Variants in CERS5 observed in about 807,000 individuals in gnomAD.
CERS5 encodes the protein ceramide synthase 5, also known as LAG1 homolog, ceramide synthase 5.
Under a neutral mutation model 58.9 loss-of-function variants are expected in CERS5, and 37 were observed. The ratio of observed to expected loss-of-function variants is 0.63; its 90% CI spans 0.48 to 0.83. CERS5 has a LOEUF of 0.83. Among genes scored for constraint, CERS5 ranks in the 40% least tolerant of loss-of-function variants. The pLI is 0.00. For synonymous variants in CERS5, 147 were observed against 177.8 expected (o/e 0.83, Z 1.38); for missense variants, 398 against 489.3 (o/e 0.81, Z 1.76).
chr12:50,163,785 A>G (rs1040977677), intron 1 of CERS5, among the ~76,000 whole-genome samples: 1 of 152,034 alleles, frequency 6.6e-6, no homozygotes, highest in African/African-American at 2.4e-5. Context: ...AGATGAGACT[A>G]GAGACTATAG....
intron 5 of CERS5, 100 bp downstream of exon 5, chr12:50,138,467 A>C: frequency 2.0e-6 from 2 of 992,272 alleles, no homozygotes; most frequent in Non-Finnish European, 3.3e-6. Flanking sequence ...CCTCAATCCC[A>C]AGGAAACGCA....
At chr12:50,154,967 C>T (rs1938399909) in intron 1 of CERS5, among the ~76,000 whole-genome samples, 1 of 152,174 alleles carries the variant, frequency 6.6e-6, no homozygotes, top group South Asian at 2.1e-4. Context: ...AAGTGATTCT[C>T]CTGCCTCAGC....
rs755605413 is a variant in CERS5 at position 50,167,215 on chromosome 12, C to G, written c.83G>C (p.Ser28Thr). The G allele has an allele frequency of 9.3e-6, 15 of 1,607,502 alleles. No individual in the cohort carries two copies. The Admixed American group carries it at 2.5e-4, about 27-fold the overall frequency. The change falls in exon 1 of 10, where the codon AGC (serine) becomes ACC (threonine). Residue 28 changes from serine (S) to threonine (T), a missense_variant. Ser to Thr is a moderately conservative substitution (Grantham distance 58). This residue lies in a region of CERS5 where 328 missense variants were observed against 384.5 expected (regional missense o/e 0.85). Coordinates refer to ENST00000317551, the MANE Select transcript of CERS5 (RefSeq NM_147190.5). Reference protein sequence around the residue: ...SERFWLPENVSWADLEGPADG... With the variant: ...SERFWLPENVTWADLEGPADG... ...GGCCGGCCCCTCCAGATCAGCCCAG[C>G]TCACGTTCTCGGGTAGCCAGAAGCG...
intron 4 of CERS5, among the ~76,000 whole-genome samples, chr12:50,141,437 TCTC>T (rs1409071430): frequency 1.3e-5 from 2 of 152,218 alleles, no homozygotes; most frequent in East Asian, 1.9e-4. Context: ...TTATTCCATT[TCTC>T]CTCCTTCAAT....
intron 1 of CERS5, among the ~76,000 whole-genome samples, chr12:50,162,356 A>G (rs1939404328): frequency 6.6e-6 from 1 of 152,154 alleles, no homozygotes; most frequent in Non-Finnish European, 1.5e-5. Flanking sequence ...TGGGCTGGGG[A>G]AAAAGACCAG....
At chr12:50,134,510 C>T (rs747636242) in intron 9 of CERS5, 36 bp downstream of exon 9, 147 of 1,613,852 alleles carry the variant, frequency 9.1e-5, no homozygotes, top group Non-Finnish European at 4.1e-5. Flanking sequence ...CCCTATCTTC[C>T]ATACCCAAAA....
intron 1 of CERS5, among the ~76,000 whole-genome samples, chr12:50,146,965 G>A (rs1592383784): frequency 6.6e-6 from 1 of 151,292 alleles, no homozygotes; most frequent in East Asian, 1.9e-4. Context: ...TTTCTAATTT[G>A]TGATAAAAAT....
In CERS5 at chr12:50,144,944, G is replaced by C. The variant is rs749669785; in HGVS notation, c.198-887C>G. The C allele has an allele frequency of 9.7e-6, 4 of 411,286 alleles. No homozygotes were observed. The East Asian group carries it at 1.3e-4, about 13-fold the overall frequency. 25.5% of individuals were successfully genotyped at this position (411,286 alleles called of 1,614,324 possible). ...AGGTCAGGAGTTGGAGACCAGCCTG[G>C]TCAACATAGTGAAACCCCGTCTCTA... On this transcript the variant is annotated intron_variant, in intron 1 of 9. Transcript: ENST00000317551.
chr12:50,141,974 TA>T (rs1951996924), intron 4 of CERS5, 78 bp downstream of exon 4: 1 of 732,458 alleles, frequency 1.4e-6, no homozygotes, highest in Non-Finnish European at 2.3e-6. Flanking sequence ...GAAAAAAATC[TA>T]AAGGTATTTA....
At chr12:50,140,310 GAGAC>G (rs1182417331) in intron 4 of CERS5, among the ~76,000 whole-genome samples, 12 of 27,240 alleles carry the variant, frequency 4.4e-4, no homozygotes, top group East Asian at 2.3e-3. Context: ...TTTTTTTTTT[GAGAC>G]AGACAGAGAC....
intron 9 of CERS5, among the ~76,000 whole-genome samples, chr12:50,131,360 A>T (rs1401593448): frequency 6.6e-6 from 1 of 152,104 alleles, no homozygotes; most frequent in African/African-American, 2.4e-5. Flanking sequence ...GGAGTTTGAG[A>T]CCAGCCTGAG....
chr12:50,135,721 C>T lies in CERS5; in HGVS notation c.872+11G>A. ...TCATACCTACCACAACTCTACAGCC[C>T]TACCACTTACCAGAATGGATAGATT... On this transcript the variant is annotated intron_variant, in intron 8 of 9. Coordinates refer to ENST00000317551, the MANE Select transcript of CERS5 (RefSeq NM_147190.5). 1 of 1,580,910 alleles carries T rather than the reference C, an allele frequency of 6.3e-7. No individual in the cohort carries two copies.
chr12:50,144,962 C>A (rs1191870291), intron 1 of CERS5: 3 of 347,198 alleles, frequency 8.6e-6, no homozygotes, highest in East Asian at 5.1e-5. Context: ...AGTGAAACCC[C>A]GTCTCTACTA....
chr12:50,141,783 A>G (rs546513688), intron 4 of CERS5, among the ~76,000 whole-genome samples: 1 of 152,096 alleles, frequency 6.6e-6, no homozygotes, highest in East Asian at 1.9e-4. Context: ...TACTAAAAAT[A>G]CAAAAATTAG....
In CERS5 at chr12:50,133,844, T is replaced by C. The variant is rs2138002875; in HGVS notation, c.1029+702A>G. 5 of 785,876 alleles carry C rather than the reference T, an allele frequency of 6.4e-6. No individual in the cohort carries two copies. The South Asian group carries it at 1.8e-4, about 28-fold the overall frequency. 48.7% of individuals were successfully genotyped at this position (785,876 alleles called of 1,614,324 possible). ...ATCCCAGCACTTCGGGAGGCCAAGG[T>C]GGGCAGATCACAAGGTCGGGAGTTA... On this transcript the variant is annotated intron_variant, in intron 9 of 9. Transcript: ENST00000317551.
chr12:50,142,952 G>A (rs1300743395), intron 3 of CERS5, 122 bp downstream of exon 3: 2 of 1,090,074 alleles, frequency 1.8e-6, no homozygotes, highest in African/African-American at 3.2e-5. Flanking sequence ...AATAGGCTGA[G>A]TTAGTTCTCT....
chr12:50,149,444 A>C (rs1937698571), intron 1 of CERS5, among the ~76,000 whole-genome samples: 1 of 152,208 alleles, frequency 6.6e-6, no homozygotes, highest in Non-Finnish European at 1.5e-5. Flanking sequence ...AGCCTGGGTT[A>C]ATTAGGATGA....
At chr12:50,160,057 C>A (rs1280776345) in intron 1 of CERS5, among the ~76,000 whole-genome samples, 1 of 151,628 alleles carries the variant, frequency 6.6e-6, no homozygotes, top group Non-Finnish European at 1.5e-5. Flanking sequence ...GTAATCCCAG[C>A]ACTTTGGGAG....
Position 50,142,128 on chromosome 12 carries a change from A to G in CERS5, c.435-18T>C. 1.9e-6 allele frequency: 3 copies of G among 1,565,442 alleles called. No individual in the cohort carries two copies. The highest frequency in any genetic ancestry group is 2.7e-5 in the African/African-American group (2 of 73,540). ...ATCTCCACCTGGGTGGGCAAAGAGT[A>G]AAGGTTAGACAAATGTCCACTCAAA... On this transcript the variant is annotated intron_variant, in intron 3 of 9. Coordinates refer to ENST00000317551, the MANE Select transcript of CERS5 (RefSeq NM_147190.5).
Sources: allele counts gnomAD v4.1 joint callset (sites outside exome capture counted in the v4.1 genomes callset), GRCh38; gene constraint gnomAD v4.1.1; regional missense constraint gnomAD v4.1.1; transcripts MANE v1.5; gene names NCBI Gene and HGNC (gene_info 2026-07-23, HGNC 2026-07-21).